Variants in SYNRG observed in about 807,000 individuals in gnomAD.
The protein encoded by SYNRG is AP1 gamma subunit binding protein 1.
In SYNRG, 37 loss-of-function variants were observed where a neutral mutation model predicts 130.9. The observed-to-expected ratio is 0.28, with a 90% CI of 0.22 to 0.37. SYNRG has a LOEUF of 0.37. Ranked by LOEUF, SYNRG falls within the 10% of genes least tolerant of loss-of-function variation. The pLI is 1.00. For synonymous variants in SYNRG, 539 were observed against 568.1 expected (o/e 0.95, Z 0.73); for missense variants, 1,338 against 1,588.9 (o/e 0.84, Z 2.68).
intron 19 of SYNRG, among the ~76,000 whole-genome samples, chr17:37,522,157 A>ACACACACACACACACAC (rs1568245884): frequency 2.6e-5 from 4 of 151,160 alleles, no homozygotes; most frequent in African/African-American, 4.9e-5. Flanking sequence ...ACACACACAC[A>ACACACACACACACACAC]ATGGTTAAAA....
intron 14 of SYNRG, among the ~76,000 whole-genome samples, chr17:37,548,887 C>A (rs1031980407): frequency 6.8e-6 from 1 of 147,898 alleles, no homozygotes; most frequent in Non-Finnish European, 1.5e-5. Flanking sequence ...GTAATCCCAG[C>A]ACTTTGGGAG....
chr17:37,519,899 A>G (rs949477046), intron 21 of SYNRG, among the ~76,000 whole-genome samples: 2 of 152,226 alleles, frequency 1.3e-5, no homozygotes, highest in Non-Finnish European at 2.9e-5. Context: ...TACAACTTCC[A>G]GGCTTCCAGA....
rs2060460960 is a variant in SYNRG, at chr17:37,571,875, T to C, written c.1014A>G (p.Ile338Met). ...GTGTAGTTCGATTAGCTAAGGCCCA[T>C]ATCTGTCCAAGAGTTTCCCTGGGAA... Reference protein sequence around the residue: ...SGLPRETLGQIWALANRTTPG... With the variant: ...SGLPRETLGQMWALANRTTPG... The change falls in exon 9 of 22, where the codon ATA (isoleucine) becomes ATG (methionine). Residue 338 changes from isoleucine to methionine, a missense_variant. Transcript: ENST00000612223. 4 of 1,614,180 alleles carry C rather than the reference T, an allele frequency of 2.5e-6. No individual in the cohort carries two copies. The East Asian group carries it at 6.7e-5, about 27-fold the overall frequency.
chr17:37,558,132 A>G (rs1001987379), intron 13 of SYNRG, among the ~76,000 whole-genome samples: 1 of 152,234 alleles, frequency 6.6e-6, no homozygotes, highest in Non-Finnish European at 1.5e-5. Context: ...GGCACTGAGG[A>G]AGAAATGGCT....
chr17:37,533,348 C>T (rs1397449710), intron 19 of SYNRG, among the ~76,000 whole-genome samples: 1 of 151,098 alleles, frequency 6.6e-6, no homozygotes, highest in Admixed American at 6.6e-5. Context: ...TTGCAGTGAG[C>T]CGAGATCACA....
chr17:37,549,508 T>TG (rs1423181505), intron 14 of SYNRG, among the ~76,000 whole-genome samples: 5 of 151,750 alleles, frequency 3.3e-5, no homozygotes, highest in Non-Finnish European at 7.4e-5. Flanking sequence ...GTACTATGAG[T>TG]GAAAAAAAAA....
chr17:37,584,382 A>G (rs2061543022), intron 6 of SYNRG: 1 of 331,886 alleles, frequency 3.0e-6, no homozygotes, highest in Admixed American at 4.4e-5. Context: ...TAATGTTAAC[A>G]TATTTATATA....
chr17:37,603,118 A>C (rs562372275), intron 1 of SYNRG, among the ~76,000 whole-genome samples: 1 of 152,322 alleles, frequency 6.6e-6, no homozygotes, highest in South Asian at 2.1e-4. Context: ...TGGAAAGAAA[A>C]AGGGACAAAT....
At chr17:37,574,893 A>T (rs564152104) in intron 8 of SYNRG, among the ~76,000 whole-genome samples, 1 of 152,174 alleles carries the variant, frequency 6.6e-6, no homozygotes, top group East Asian at 1.9e-4. Flanking sequence ...ATTCAAAAGC[A>T]ACCTAAGTGT....
At position 37,553,743 on chromosome 17, in the gene SYNRG, T is replaced by G. The variant is rs1310294945; in HGVS notation, c.1980A>C (p.Ala660=). The change falls in exon 14 of 22, where the codon GCA becomes GCC. Residue 660 remains alanine, a synonymous_variant. Transcript: ENST00000612223. ...CATCAGCCAAACTAGAAGTTTTTGT[T>G]GCTGCCAATGCTGTCATAGTAGCAG... ...GSAATMTALA[A]TKTSSLADDF... is the part of the protein sequence containing the mutation. 1.9e-6 allele frequency: 3 copies of G among 1,612,862 alleles called. 1 individual carries two copies. The Admixed American group carries it at 5.0e-5, about 27-fold the overall frequency.
chr17:37,597,311 C>A (rs1160904317), intron 2 of SYNRG, among the ~76,000 whole-genome samples: 1 of 152,166 alleles, frequency 6.6e-6, no homozygotes, highest in Non-Finnish European at 1.5e-5. Flanking sequence ...TGAGCCTGAA[C>A]CACCCAGCAG....
chr17:37,581,720 G>C (rs909578223), intron 6 of SYNRG, among the ~76,000 whole-genome samples: 28 of 151,124 alleles, frequency 1.9e-4, no homozygotes, highest in Non-Finnish European at 3.5e-4. Flanking sequence ...CTGAGTAGCT[G>C]GGAATACAGG....
At position 37,599,900 on chromosome 17, in the gene SYNRG, T is replaced by C. The variant is rs560216985; in HGVS notation, c.118+463A>G. Among the ~76,000 whole-genome samples, 3 of 152,322 alleles carry C rather than the reference T, an allele frequency of 2.0e-5. No individual in the cohort carries two copies. The South Asian group carries it at 6.2e-4, about 32-fold the overall frequency. On this transcript the variant is annotated intron_variant, in intron 2 of 21. Transcript: ENST00000612223. ...ACAACTAAAGATGTTTGTTTATTCATTCAACAAACATCTACAGATAACCTA... is the reference window on the plus strand; with the variant it reads ...ACAACTAAAGATGTTTGTTTATTCACTCAACAAACATCTACAGATAACCTA...
In SYNRG at chr17:37,570,755, G is replaced by T; in HGVS notation, c.1229C>A (p.Ala410Glu). 3.7e-6 allele frequency: 6 copies of T among 1,614,206 alleles called. No individual in the cohort carries two copies. Among genetic ancestry groups the T allele is most frequent in the Non-Finnish European group, 5.1e-6 (6 of 1,180,034 alleles). ...SQPTVIPSGP[A>E]GSMPLSLGQP... is the part of the protein sequence containing the mutation. ...TCCAAGGCTGAGGGGCATGGAGCCC[G>T]CAGGACCTGAAGGTATCACAGTTGG... The change falls in exon 10 of 22, where the codon GCG becomes GAG. Residue 410 changes from alanine to glutamate, a missense_variant. Transcript: ENST00000612223.
At chr17:37,554,537 A>T (rs2058958053) in intron 13 of SYNRG, among the ~76,000 whole-genome samples, 1 of 152,236 alleles carries the variant, frequency 6.6e-6, no homozygotes. Context: ...TACATCTAAT[A>T]TTCAGGATGT....
intron 13 of SYNRG, among the ~76,000 whole-genome samples, chr17:37,554,889 A>G (rs2058993925): frequency 6.6e-6 from 1 of 152,152 alleles, no homozygotes; most frequent in African/African-American, 2.4e-5. Context: ...GGTATGACTT[A>G]GACTTTAGTT....
chr17:37,544,289 C>T (rs569567583), intron 14 of SYNRG, among the ~76,000 whole-genome samples: 4 of 151,652 alleles, frequency 2.6e-5, no homozygotes, highest in South Asian at 2.1e-4. Flanking sequence ...AAGGAAAAAA[C>T]GACTCAGGTG....
chr17:37,519,712 T>C (rs1006621582), intron 21 of SYNRG, among the ~76,000 whole-genome samples: 1 of 152,328 alleles, frequency 6.6e-6, no homozygotes, highest in South Asian at 2.1e-4. Context: ...AACAGGCTTA[T>C]CAGTAAGCTA....
intron 19 of SYNRG, among the ~76,000 whole-genome samples, chr17:37,533,926 CTTTT>C (rs765621244): frequency 6.9e-5 from 4 of 57,806 alleles, no homozygotes; most frequent in East Asian, 5.4e-4. Flanking sequence ...ATTTTCTTTT[CTTTT>C]TTTTTTTTTT....
Sources: gnomAD v4.1 joint callset for allele counts (sites outside exome capture counted in the v4.1 genomes callset) on GRCh38, gnomAD v4.1.1 for gene constraint, MANE v1.5 for transcripts, NCBI Gene and HGNC (gene_info 2026-07-23, HGNC 2026-07-21) for gene names.